Variants in PRKAR1B observed in about 807,000 individuals in gnomAD.
PRKAR1B encodes cAMP-dependent protein kinase type I-beta regulatory subunit.
In PRKAR1B, 22 loss-of-function variants were observed where a neutral mutation model predicts 46.5. That is an observed-to-expected ratio of 0.47 (90% confidence interval 0.34 to 0.68). The LOEUF (loss-of-function observed/expected upper bound fraction) is 0.68, where lower values mean the gene tolerates loss of function less well. Among genes scored for constraint, PRKAR1B ranks in the 30% least tolerant of loss-of-function variants. The probability of loss-of-function intolerance (pLI) is 0.01; values close to 1 mark genes in which losing one functional copy is unlikely to be tolerated. For missense variants in PRKAR1B, 445 were observed against 535.6 expected, an observed-to-expected ratio of 0.83 and a Z score of 1.67; for synonymous variants, 259 against 217.7, an observed-to-expected ratio of 1.19 and a Z score of -1.67.
At chr7:726,686 C>T (rs1781302087) in intron 1 of PRKAR1B, 1 of 1,222,132 alleles carries the variant, frequency 8.2e-7, no homozygotes, top group Non-Finnish European at 1.0e-6. Context: ...GTCGCGAAAG[C>T]GCTGTTCCCC....
chr7:590,480 C>G (rs149542022), intron 7 of PRKAR1B, among the ~76,000 whole-genome samples: 32 of 152,198 alleles, frequency 2.1e-4, no homozygotes, highest in Admixed American at 7.9e-4. Context: ...GGGGGCGGGG[C>G]CCCGAGAGAT....
rs558595094 is a variant in PRKAR1B, at chr7:697,363, GCGGC to G, written c.177+13962_177+13965del. On this transcript the variant is annotated intron_variant, in intron 2 of 10. Transcript: ENST00000537384. ...CAGATGGAATTCCTCAGTCCTGCCT[GCGGC>G]CCGGTTCTCGCTCCTGTGGGGACAC... Among the ~76,000 whole-genome samples, 226 of 152,322 alleles carry G rather than the reference GCGGC, an allele frequency of 1.5e-3. 1 individual carries two copies. The highest frequency in any genetic ancestry group is 5.3e-3 in the African/African-American group (221 of 41,578).
At chr7:591,142 C>T (rs1029422186) in intron 7 of PRKAR1B, among the ~76,000 whole-genome samples, 14 of 152,278 alleles carry the variant, frequency 9.2e-5, no homozygotes, top group Admixed American at 2.6e-4. Context: ...TCTCTCGCGG[C>T]GGGGTGACAG....
chr7:583,429 C>G (rs1299853050), intron 8 of PRKAR1B, among the ~76,000 whole-genome samples: 1 of 55,738 alleles, frequency 1.8e-5, no homozygotes, highest in Admixed American at 1.5e-4. Flanking sequence ...CACACACGCA[C>G]ACACCCACAG....
At chr7:627,326 T>C (rs958882436) in intron 4 of PRKAR1B, among the ~76,000 whole-genome samples, 1 of 151,912 alleles carries the variant, frequency 6.6e-6, no homozygotes, top group Non-Finnish European at 1.5e-5. Context: ...TGGCGGAGGG[T>C]AGCGGTGGGG....
At chr7:674,102 TC>T (rs1480019777) in intron 4 of PRKAR1B, among the ~76,000 whole-genome samples, 3 of 152,118 alleles carry the variant, frequency 2.0e-5, no homozygotes, top group Non-Finnish European at 4.4e-5. Context: ...ATCTGCAAAG[TC>T]CCTCTCTGCC....
At chr7:703,655 CAA>C (rs201241648) in intron 2 of PRKAR1B, among the ~76,000 whole-genome samples, 26 of 119,528 alleles carry the variant, frequency 2.2e-4, no homozygotes, top group Admixed American at 1.8e-4. Context: ...GACTCTGTCT[CAA>C]AAAAAAAAAA....
intron 3 of PRKAR1B, among the ~76,000 whole-genome samples, chr7:679,783 G>C (rs1323876630): frequency 6.6e-6 from 1 of 152,204 alleles, no homozygotes; most frequent in African/African-American, 2.4e-5. Context: ...GGTATTTGGA[G>C]AGAGGCCTTT....
At chr7:567,443 CATCACCTCCATCATCACT>C (rs1779227217) in intron 9 of PRKAR1B, among the ~76,000 whole-genome samples, 1 of 136,136 alleles carries the variant, frequency 7.3e-6, no homozygotes, top group African/African-American at 2.7e-5. Flanking sequence ...TCATCATCAC[CATCACCTCCATCATCACT>C]ATCACCATCA....
chr7:586,884 TTC>T (rs1223359629), intron 7 of PRKAR1B, among the ~76,000 whole-genome samples: 6 of 109,412 alleles, frequency 5.5e-5, no homozygotes, highest in South Asian at 1.1e-3. Flanking sequence ...TTATCCCACC[TTC>T]TTTTTTTTTT....
At chr7:591,369 C>A (rs753142222) in intron 7 of PRKAR1B, among the ~76,000 whole-genome samples, 48 of 152,342 alleles carry the variant, frequency 3.2e-4, no homozygotes, top group Non-Finnish European at 5.7e-4. Context: ...AGGTGACCCC[C>A]ATTTCCAGGT....
chr7:681,617 C>A (rs947390836), intron 2 of PRKAR1B, among the ~76,000 whole-genome samples: 1 of 152,070 alleles, frequency 6.6e-6, no homozygotes, highest in Non-Finnish European at 1.5e-5. Flanking sequence ...AGTTGAGCCC[C>A]GAGTCACCGT....
intron 7 of PRKAR1B, 91 bp downstream of exon 7, chr7:596,049 CTCCAGG>C: frequency 6.8e-7 from 1 of 1,465,518 alleles, no homozygotes; most frequent in Non-Finnish European, 9.2e-7. Flanking sequence ...AGTGTCTTTT[CTCCAGG>C]TGCATCCCCA....
At chr7:693,731 G>A (rs1018250137) in intron 2 of PRKAR1B, among the ~76,000 whole-genome samples, 3 of 152,142 alleles carry the variant, frequency 2.0e-5, no homozygotes, top group Non-Finnish European at 4.4e-5. Context: ...TGTGTTTGAA[G>A]ACCTGTTCTC....
At chr7:559,403 G>A (rs978135618) in intron 9 of PRKAR1B, among the ~76,000 whole-genome samples, 23 of 152,178 alleles carry the variant, frequency 1.5e-4, no homozygotes, top group South Asian at 4.1e-4. Context: ...GGGCCAGGAC[G>A]GGGGCTCAGG....
intron 1 of PRKAR1B, among the ~76,000 whole-genome samples, chr7:711,804 C>A (rs1262327666): frequency 6.6e-6 from 1 of 151,978 alleles, no homozygotes; most frequent in Non-Finnish European, 1.5e-5. Context: ...GGCTGAGAAG[C>A]CCCTTCTGCA....
intron 2 of PRKAR1B, among the ~76,000 whole-genome samples, chr7:695,724 C>G (rs997142629): frequency 6.6e-6 from 1 of 151,796 alleles, no homozygotes; most frequent in Non-Finnish European, 1.5e-5. Context: ...AGTGTAGTGG[C>G]GTGATCTCAG....
chr7:627,516 C>G (rs1219783234), intron 4 of PRKAR1B, among the ~76,000 whole-genome samples: 2 of 152,126 alleles, frequency 1.3e-5, no homozygotes, highest in Non-Finnish European at 2.9e-5. Context: ...GGCGGTCGGA[C>G]AGCCACGGCC....
chr7:561,051 C>T (rs1395316059), intron 9 of PRKAR1B, among the ~76,000 whole-genome samples: 3 of 152,080 alleles, frequency 2.0e-5, no homozygotes, highest in Non-Finnish European at 4.4e-5. Flanking sequence ...CACACAGATG[C>T]ATATTTGTGC....
Sources: gnomAD v4.1 joint callset for allele counts (sites outside exome capture counted in the v4.1 genomes callset) on GRCh38, gnomAD v4.1.1 for gene constraint, MANE v1.5 for transcripts, NCBI Gene and HGNC (gene_info 2026-07-23, HGNC 2026-07-21) for gene names.